The following CMYA5 variants were observed in gnomAD, a reference collection of about 807,000 sequenced individuals.
CMYA5 encodes cardiomyopathy-associated protein 5.
A neutral mutation model predicts 318.9 loss-of-function variants in CMYA5; 246 were observed. That is an observed-to-expected ratio of 0.77 (90% confidence interval 0.70 to 0.86). CMYA5 has a LOEUF of 0.86. CMYA5 is among the 40% of genes least tolerant of loss of function. CMYA5 has a pLI of 0.00. For synonymous variants in CMYA5, 1,641 were observed against 1,729.5 expected (o/e 0.95, Z 1.27); for missense variants, 4,589 against 4,678.2 (o/e 0.98, Z 0.56).
chr5:79,722,692 A>G (rs1045356059), intron 1 of CMYA5, among the ~76,000 whole-genome samples: 1 of 151,508 alleles, frequency 6.6e-6, no homozygotes, highest in Non-Finnish European at 1.5e-5. Flanking sequence ...AAAAAAAAAA[A>G]AAAAAATCTA....
At chr5:79,691,487 A>G (rs1158455816) in intron 1 of CMYA5, among the ~76,000 whole-genome samples, 2 of 152,218 alleles carry the variant, frequency 1.3e-5, no homozygotes, top group African/African-American at 4.8e-5. Flanking sequence ...AAAGGATGTG[A>G]TTTGTCTGCA....
At chr5:79,708,386 C>T (rs1827314970) in intron 1 of CMYA5, among the ~76,000 whole-genome samples, 1 of 151,902 alleles carries the variant, frequency 6.6e-6, no homozygotes, top group Admixed American at 6.6e-5. Context: ...CTTTGGGAGG[C>T]CGAGGCAGGC....
In CMYA5 at chr5:79,799,373, C is replaced by T. The variant is rs368240373; in HGVS notation, c.11967C>T (p.Tyr3989=). Residue 3989 remains tyrosine, a synonymous_variant, in exon 13 of 13, where the codon TAC becomes TAT. Coordinates refer to ENST00000446378, the MANE Select transcript of CMYA5 (RefSeq NM_153610.5). ...TTCCCATTCGCTTTCATTTCAGATA[C>T]ACATTTTTCTACAGTGGTATTGTGA... ...WYMHCSEPQR[Y]TFFYSGIVSD... is the part of the protein sequence containing the mutation. 4.2e-5 allele frequency: 67 copies of T among 1,587,782 alleles called. No individual in the cohort carries two copies. The African/African-American group carries it at 8.6e-4, about 20-fold the overall frequency.
At chr5:79,769,972 T>G (rs1828823872) in intron 9 of CMYA5, among the ~76,000 whole-genome samples, 1 of 152,214 alleles carries the variant, frequency 6.6e-6, no homozygotes, top group Non-Finnish European at 1.5e-5. Context: ...TGACTGGGGC[T>G]GCTACCTTTC....
At chr5:79,743,065 G>A (rs1471590698) in intron 2 of CMYA5, among the ~76,000 whole-genome samples, 1 of 152,138 alleles carries the variant, frequency 6.6e-6, no homozygotes, top group Non-Finnish European at 1.5e-5. Context: ...AAGAGGTAAG[G>A]GCCATAGAGG....
At position 79,733,689 on chromosome 5, in the gene CMYA5, T is replaced by C. The variant is rs1439886899; in HGVS notation, c.4924T>C (p.Ser1642Pro). 2 of 1,613,744 alleles carry C rather than the reference T, an allele frequency of 1.2e-6. No homozygotes were observed. The highest frequency in any genetic ancestry group is 2.7e-5 in the African/African-American group (2 of 74,902). ...ATTACCAAATGCTGGGTCAGAATTTTCTAGTGATTTAGGTAGACAAAGTGG... is the reference window on the plus strand; with the variant it reads ...ATTACCAAATGCTGGGTCAGAATTTCCTAGTGATTTAGGTAGACAAAGTGG... ...LELPNAGSEF[S>P]SDLGRQSGSI... Residue 1642 changes from serine to proline, a missense_variant, in exon 2 of 13, where the codon TCT becomes CCT. Ser to Pro is a moderately conservative substitution (Grantham distance 74). This residue lies in a region of CMYA5 where 2,132 missense variants were observed against 2,131.3 expected (regional missense o/e 1.00). Coordinates refer to ENST00000446378, the MANE Select transcript of CMYA5 (RefSeq NM_153610.5).
chr5:79,773,537 G>T (rs1476195660), intron 9 of CMYA5, among the ~76,000 whole-genome samples: 2 of 152,152 alleles, frequency 1.3e-5, no homozygotes, highest in East Asian at 3.9e-4. Flanking sequence ...TACTAAACTA[G>T]CTCCAAAAAT....
Position 79,789,095 on chromosome 5 carries a change from T to C in CMYA5, c.11680T>C (p.Ser3894Pro). 1 of 1,613,842 alleles carries C rather than the reference T, an allele frequency of 6.2e-7. No homozygotes were observed. Among genetic ancestry groups the C allele is most frequent in the Non-Finnish European group, 8.5e-7 (1 of 1,179,834 alleles). The change falls in exon 10 of 13, where the codon TCC (serine) becomes CCC (proline). Residue 3894 changes from serine to proline, a missense_variant. By Grantham distance (74) the Ser-to-Pro change is moderately conservative. This residue lies in a region of CMYA5 where 2,431 missense variants were observed against 2,495.1 expected (regional missense o/e 0.97). Transcript: ENST00000446378. Reference protein sequence around the residue: ...TSEQSEAALISTRGTRFLLLR... With the variant: ...TSEQSEAALIPTRGTRFLLLR... The stretch of plus-strand genomic sequence containing the variant: ...TGAACAGAGTGAAGCTGCTCTCATC[T>C]CCACCAGAGGTACTTTCTCCTTTGC...
chr5:79,709,479 T>C (rs1223194136), intron 1 of CMYA5, among the ~76,000 whole-genome samples: 1 of 152,176 alleles, frequency 6.6e-6, no homozygotes, highest in Non-Finnish European at 1.5e-5. Context: ...TATGGTTTTC[T>C]TTCAGGGCAT....
At chr5:79,723,828 C>G (rs1827693933) in intron 1 of CMYA5, among the ~76,000 whole-genome samples, 1 of 150,270 alleles carries the variant, frequency 6.7e-6, no homozygotes, top group Admixed American at 6.6e-5. Flanking sequence ...CACTCATTAA[C>G]ATGGGAGAAA....
intron 11 of CMYA5, among the ~76,000 whole-genome samples, chr5:79,791,656 G>T (rs1362315887): frequency 2.7e-5 from 4 of 149,572 alleles, no homozygotes; most frequent in Non-Finnish European, 5.9e-5. Flanking sequence ...GGAGGTGGAG[G>T]TTGCAGTGAG....
chr5:79,735,720 T>C lies in CMYA5; in HGVS notation c.6955T>C (p.Ser2319Pro). ...SADGENLEIQ[S>P]YSLIGEKLVM... is the part of the protein sequence containing the mutation. Reference sequence around the variant, plus strand: ...TGATGGTGAGAACCTTGAAATTCAATCTTATTCACTAATCGGTGAGAAATT... The same window carrying C: ...TGATGGTGAGAACCTTGAAATTCAACCTTATTCACTAATCGGTGAGAAATT... Residue 2319 changes from serine (S) to proline (P), a missense_variant, in exon 2 of 13, where the codon TCT becomes CCT. Ser to Pro is a moderately conservative substitution (Grantham distance 74). This residue lies in a region of CMYA5 where 2,431 missense variants were observed against 2,495.1 expected (regional missense o/e 0.97). Coordinates refer to ENST00000446378, the MANE Select transcript of CMYA5 (RefSeq NM_153610.5). 6.3e-7 allele frequency: 1 copy of C among 1,597,916 alleles called. No individual in the cohort carries two copies. The highest frequency in any genetic ancestry group is 1.7e-4 in the Middle Eastern group (1 of 5,950).
intron 4 of CMYA5, among the ~76,000 whole-genome samples, chr5:79,745,694 C>T (rs954812601): frequency 4.6e-5 from 7 of 152,192 alleles, no homozygotes; most frequent in Admixed American, 4.6e-4. Context: ...CAGCCTGCAG[C>T]ATCATCATCC....
intron 12 of CMYA5, among the ~76,000 whole-genome samples, chr5:79,796,042 G>A (rs1829269209): frequency 6.6e-6 from 1 of 152,190 alleles, no homozygotes; most frequent in Non-Finnish European, 1.5e-5. Context: ...TCTGTGTCCT[G>A]CAGAACTGGT....
intron 12 of CMYA5, among the ~76,000 whole-genome samples, chr5:79,798,467 A>G (rs772531506): frequency 6.6e-6 from 1 of 152,122 alleles, no homozygotes; most frequent in African/African-American, 2.4e-5. Flanking sequence ...ACATAGAGCA[A>G]TTTAGCTTTT....
At chr5:79,776,984 C>T (rs1419609269) in intron 9 of CMYA5, among the ~76,000 whole-genome samples, 1 of 152,094 alleles carries the variant, frequency 6.6e-6, no homozygotes, top group East Asian at 1.9e-4. Context: ...AATTGCCAAC[C>T]CCTCAAGTTA....
intron 9 of CMYA5, among the ~76,000 whole-genome samples, chr5:79,771,626 G>A (rs528502070): frequency 6.6e-6 from 1 of 152,204 alleles, no homozygotes; most frequent in African/African-American, 2.4e-5. Context: ...AGAAGGGATG[G>A]GGGGATGGCG....
chr5:79,747,024 T>TTC (rs1828337031), intron 4 of CMYA5, 67 bp from the exon 5 acceptor site: 2 of 960,244 alleles, frequency 2.1e-6, no homozygotes, highest in Non-Finnish European at 3.2e-6. Flanking sequence ...GTTAATTAGC[T>TTC]TCTCTCTCTC....
intron 4 of CMYA5, 35 bp downstream of exon 4, chr5:79,745,490 C>A (rs374484701): frequency 7.3e-6 from 10 of 1,369,506 alleles, no homozygotes; most frequent in Middle Eastern, 1.8e-4. Context: ...AAACACCTTG[C>A]GCCCACTCTG....
Sources: allele counts gnomAD v4.1 joint callset (sites outside exome capture counted in the v4.1 genomes callset), GRCh38; gene constraint gnomAD v4.1.1; regional missense constraint gnomAD v4.1.1; transcripts MANE v1.5; gene names NCBI Gene and HGNC (gene_info 2026-07-23, HGNC 2026-07-21).